The following ATP7B variants were observed in gnomAD, a reference collection of about 807,000 sequenced individuals.
The protein encoded by ATP7B is ATPase copper transporting beta, also known as copper-transporting ATPase 2.
A neutral mutation model predicts 118.9 loss-of-function variants in ATP7B; 113 were observed. That is an observed-to-expected ratio of 0.95 (90% confidence interval 0.82 to 1.11). ATP7B has a LOEUF of 1.11. Among genes scored for constraint, ATP7B ranks in the 50% most tolerant of loss-of-function variants. ATP7B has a pLI of 0.00. For synonymous variants in ATP7B, 777 were observed against 727.4 expected, an observed-to-expected ratio of 1.07 and a Z score of -1.10; for missense variants, 1,867 against 1,871.4, an observed-to-expected ratio of 1.00 and a Z score of 0.04.
chr13:52,007,147 C>T (rs1348583163), intron 1 of ATP7B, among the ~76,000 whole-genome samples: 1 of 152,026 alleles, frequency 6.6e-6, no homozygotes, highest in Non-Finnish European at 1.5e-5. Context: ...TGTGGTGCAC[C>T]TACATGTGGG....
intron 1 of ATP7B, among the ~76,000 whole-genome samples, chr13:51,996,372 G>A (rs910165130): frequency 1.3e-5 from 2 of 152,098 alleles, no homozygotes; most frequent in East Asian, 1.9e-4. Flanking sequence ...CTGCTCTGTC[G>A]GGCAGCGCTG....
intron 15 of ATP7B, among the ~76,000 whole-genome samples, chr13:51,941,993 T>C (rs1360918042): frequency 6.6e-6 from 1 of 152,200 alleles, no homozygotes; most frequent in East Asian, 1.9e-4. Context: ...TGGGCAGACA[T>C]TTCCCTCTGC....
chr13:51,935,548 G>C, intron 20 of ATP7B, 45 bp downstream of exon 20: 1 of 1,561,858 alleles, frequency 6.4e-7, no homozygotes, highest in Non-Finnish European at 8.8e-7. Flanking sequence ...GAATGACAAG[G>C]CCTCCTGGGA....
At chr13:51,935,906 G>C (rs1344074034) in intron 19 of ATP7B, among the ~76,000 whole-genome samples, 2 of 152,210 alleles carry the variant, frequency 1.3e-5, no homozygotes, top group African/African-American at 2.4e-5. Flanking sequence ...GAGTGGGCCT[G>C]GCTCTCTTCC....
intron 1 of ATP7B, among the ~76,000 whole-genome samples, chr13:52,005,000 G>C (rs1953700778): frequency 6.6e-6 from 1 of 152,168 alleles, no homozygotes. Flanking sequence ...CACCTGGGGT[G>C]GCCAAGGAGC....
intron 1 of ATP7B, among the ~76,000 whole-genome samples, chr13:51,984,505 A>T (rs1372297387): frequency 2.0e-5 from 3 of 152,248 alleles, no homozygotes; most frequent in Non-Finnish European, 4.4e-5. Flanking sequence ...GATATTATCC[A>T]GGAGAACTTC....
intron 13 of ATP7B, 84 bp downstream of exon 13, chr13:51,946,200 T>C (rs1957639310): frequency 2.0e-6 from 3 of 1,508,286 alleles, no homozygotes; most frequent in Non-Finnish European, 2.7e-6. Flanking sequence ...CTTGAGTGGC[T>C]CTCAGGCTTT....
In ATP7B at chr13:51,949,994, A is replaced by T. The variant is rs1472983295; in HGVS notation, c.2730+13T>A. ...GAGAAAGATGAAGTTAGTTTTAAAAATTTCTTCATTACCTTTGACATCTGA... is the reference window on the plus strand; with the variant it reads ...GAGAAAGATGAAGTTAGTTTTAAAATTTTCTTCATTACCTTTGACATCTGA... On this transcript the variant is annotated intron_variant, in intron 11 of 20. Coordinates refer to ENST00000242839, the MANE Select transcript of ATP7B (RefSeq NM_000053.4). 3.7e-6 allele frequency: 6 copies of T among 1,614,162 alleles called. No homozygotes were observed. The highest frequency in any genetic ancestry group is 1.7e-5 in the Admixed American group (1 of 60,028).
intron 1 of ATP7B, among the ~76,000 whole-genome samples, chr13:52,009,374 C>T (rs1291387460): frequency 2.0e-5 from 3 of 152,176 alleles, no homozygotes; most frequent in Non-Finnish European, 2.9e-5. Context: ...AGGTCTGAAA[C>T]ATTTCTTCTC....
Position 51,935,019 on chromosome 13 carries a change from GCTT to G in ATP7B, c.4132_4134del (p.Lys1378del), listed in dbSNP as rs1956874964. Reference sequence around the variant, plus strand: ...TGTGCCTCATACCTCTCCAGGTCAGGCTTCTTATAGCTGGAAAGCAGGAACGCA... The same window carrying G: ...TGTGCCTCATACCTCTCCAGGTCAGGCTTATAGCTGGAAAGCAGGAACGCA... On this transcript the variant is annotated inframe_deletion, in exon 21 of 21. Transcript: ENST00000242839. The G allele has an allele frequency of 6.2e-7, 1 of 1,613,678 alleles. No homozygotes were observed. The highest frequency in any genetic ancestry group is 8.5e-7 in the Non-Finnish European group (1 of 1,180,026).
chr13:51,973,165 C>CTAA (rs1389954596), intron 2 of ATP7B, among the ~76,000 whole-genome samples: 2 of 152,110 alleles, frequency 1.3e-5, no homozygotes, highest in African/African-American at 4.8e-5. Flanking sequence ...GGTGATGAGA[C>CTAA]TAAGGTTCTG....
chr13:52,011,708 C>T (rs2140782274), upstream of ATP7B, among the ~76,000 whole-genome samples: 1 of 152,328 alleles, frequency 6.6e-6, no homozygotes, highest in East Asian at 1.9e-4. Flanking sequence ...CGTGCCAGTG[C>T]CACAATGTCC....
chr13:51,934,489 T>C lies in ATP7B; in HGVS notation c.*267A>G, dbSNP rs1956843925. 2 of 537,320 alleles carry C rather than the reference T, an allele frequency of 3.7e-6. No homozygotes were observed. Among genetic ancestry groups the C allele is most frequent in the South Asian group, 2.0e-5 (1 of 50,094 alleles). 33.3% of individuals were successfully genotyped at this position (537,320 alleles called of 1,614,324 possible). A position where few individuals can be genotyped will look rare whatever the true frequency, so the allele number is the denominator to read the frequency against. ...GGAGGGTGACTCGCCTCTCACCTTCTACAGTCCAGCCAAGGACTAGAGTCC... is the reference window on the plus strand; with the variant it reads ...GGAGGGTGACTCGCCTCTCACCTTCCACAGTCCAGCCAAGGACTAGAGTCC... On this transcript the variant is annotated 3_prime_UTR_variant, in exon 21 of 21. Coordinates refer to ENST00000242839, the MANE Select transcript of ATP7B (RefSeq NM_000053.4).
chr13:51,984,776 A>G (rs951687308), intron 1 of ATP7B, among the ~76,000 whole-genome samples: 1 of 152,224 alleles, frequency 6.6e-6, no homozygotes, highest in African/African-American at 2.4e-5. Flanking sequence ...ATTCTTAAAG[A>G]AAATAATTTT....
At chr13:51,989,053 A>C (rs1486476297) in intron 1 of ATP7B, among the ~76,000 whole-genome samples, 1 of 152,172 alleles carries the variant, frequency 6.6e-6, no homozygotes, top group Non-Finnish European at 1.5e-5. Flanking sequence ...CTTAAAGTAT[A>C]ATTTTTTAAA....
At position 52,005,196 on chromosome 13, in the gene ATP7B, T is replaced by G. The variant is rs185170648; in HGVS notation, c.51+6091A>C. Among the ~76,000 whole-genome samples, 29 of 152,356 alleles carry G rather than the reference T, an allele frequency of 1.9e-4. No individual in the cohort carries two copies. The East Asian group carries it at 5.2e-3, about 27-fold the overall frequency. On this transcript the variant is annotated intron_variant, in intron 1 of 20. Coordinates refer to ENST00000242839, the MANE Select transcript of ATP7B (RefSeq NM_000053.4). ...GTCATTCTTCCCAGCAGCCTTTTTATTCTTTATGATCTAGCCAGGCTGAAA... is the reference window on the plus strand; with the variant it reads ...GTCATTCTTCCCAGCAGCCTTTTTAGTCTTTATGATCTAGCCAGGCTGAAA...
intron 16 of ATP7B, among the ~76,000 whole-genome samples, chr13:51,939,526 T>A (rs1957193677): frequency 2.0e-5 from 3 of 152,292 alleles, no homozygotes; most frequent in Admixed American, 2.0e-4. Flanking sequence ...TAATAAGAAT[T>A]CAATACACAT....
At chr13:51,946,507 T>C (rs756102351) in intron 12 of ATP7B, 29 bp from the exon 13 acceptor site, 1 of 1,612,264 alleles carries the variant, frequency 6.2e-7, no homozygotes, top group Admixed American at 1.7e-5. Flanking sequence ...CAGAGGCAGG[T>C]TGAGAGTTCA....
intron 1 of ATP7B, chr13:51,975,399 T>C: frequency 1.4e-6 from 1 of 704,806 alleles, no homozygotes; most frequent in South Asian, 1.4e-5. Flanking sequence ...CTTAGTGAAA[T>C]GTCGTTCTCA....
Sources: allele counts gnomAD v4.1 joint callset (sites outside exome capture counted in the v4.1 genomes callset), GRCh38; gene constraint gnomAD v4.1.1; transcripts MANE v1.5; gene names NCBI Gene and HGNC (gene_info 2026-07-23, HGNC 2026-07-21).